The following CA10 variants were observed in gnomAD, a reference collection of about 807,000 sequenced individuals.
The protein encoded by CA10 is carbonic anhydrase-related protein 10.
A neutral mutation model predicts 44.2 loss-of-function variants in CA10; 14 were observed. That is an observed-to-expected ratio of 0.32 (90% confidence interval 0.21 to 0.50). CA10 has a LOEUF of 0.50. CA10 is among the 20% of genes least tolerant of loss of function. The pLI, the probability that CA10 is intolerant of heterozygous loss-of-function variation, is 0.99. For missense variants in CA10, 350 were observed against 409.7 expected, an observed-to-expected ratio of 0.85 and a Z score of 1.26; for synonymous variants, 159 against 141.6, an observed-to-expected ratio of 1.12 and a Z score of -0.87.
intron 2 of CA10, among the ~76,000 whole-genome samples, chr17:52,003,441 T>C (rs1198419944): frequency 6.6e-6 from 1 of 151,960 alleles, no homozygotes; most frequent in African/African-American, 2.4e-5. Flanking sequence ...ATATATTCTT[T>C]GAAGGCAGGG....
At chr17:51,649,474 G>A (rs1158732799) in intron 5 of CA10, among the ~76,000 whole-genome samples, 4 of 152,196 alleles carry the variant, frequency 2.6e-5, no homozygotes, top group Admixed American at 2.6e-4. Flanking sequence ...CTCATATAGT[G>A]TGAAGAGTGC....
intron 3 of CA10, among the ~76,000 whole-genome samples, chr17:51,808,481 A>G (rs182957869): frequency 6.6e-6 from 1 of 152,310 alleles, no homozygotes; most frequent in Admixed American, 6.5e-5. Flanking sequence ...TCAAATGTAC[A>G]TCTGCATCTC....
intron 4 of CA10, among the ~76,000 whole-genome samples, chr17:51,738,775 T>G (rs889661289): frequency 1.3e-5 from 2 of 152,234 alleles, no homozygotes; most frequent in Non-Finnish European, 2.9e-5. Context: ...AGGCTCTATT[T>G]GCTCTATGAG....
intron 3 of CA10, among the ~76,000 whole-genome samples, chr17:51,859,393 T>A (rs2143837910): frequency 6.6e-6 from 1 of 152,304 alleles, no homozygotes. Flanking sequence ...AACTAGTATG[T>A]TAATGTCTCC....
chr17:51,724,845 G>T (rs761554650), intron 4 of CA10, among the ~76,000 whole-genome samples: 29 of 152,090 alleles, frequency 1.9e-4, no homozygotes, highest in Non-Finnish European at 2.8e-4. Context: ...TCCCCAGGGC[G>T]CAGCACATTG....
At chr17:51,834,419 T>C (rs528211300) in intron 3 of CA10, among the ~76,000 whole-genome samples, 1 of 152,238 alleles carries the variant, frequency 6.6e-6, no homozygotes, top group Non-Finnish European at 1.5e-5. Flanking sequence ...TCTCTGTTCA[T>C]GCCCCTGAAA....
chr17:51,775,530 C>T (rs1169334294), intron 3 of CA10, among the ~76,000 whole-genome samples: 1 of 152,104 alleles, frequency 6.6e-6, no homozygotes, highest in Non-Finnish European at 1.5e-5. Context: ...AATAGCAAAG[C>T]TGTTCTTTTA....
intron 2 of CA10, among the ~76,000 whole-genome samples, chr17:52,015,947 C>G (rs547209862): frequency 1.3e-5 from 2 of 152,138 alleles, no homozygotes; most frequent in East Asian, 3.9e-4. Flanking sequence ...GGGAGCTCCT[C>G]AGAGATGGTA....
chr17:51,767,965 C>T (rs574897351), intron 3 of CA10, among the ~76,000 whole-genome samples: 1 of 152,190 alleles, frequency 6.6e-6, no homozygotes, highest in East Asian at 1.9e-4. Context: ...GAGCGCTGAA[C>T]TAAACTACAG....
At chr17:51,855,931 A>G (rs1979019176) in intron 3 of CA10, among the ~76,000 whole-genome samples, 1 of 152,164 alleles carries the variant, frequency 6.6e-6, no homozygotes, top group African/African-American at 2.4e-5. Context: ...CTAATTGCCA[A>G]CAGGATCTGA....
intron 2 of CA10, among the ~76,000 whole-genome samples, chr17:51,987,871 G>A (rs1984899605): frequency 6.6e-6 from 1 of 151,934 alleles, no homozygotes; most frequent in Non-Finnish European, 1.5e-5. Context: ...GTGAAAATAA[G>A]TTCATCAGAA....
intron 4 of CA10, among the ~76,000 whole-genome samples, chr17:51,739,472 G>A (rs989680395): frequency 6.6e-6 from 1 of 152,110 alleles, no homozygotes; most frequent in Non-Finnish European, 1.5e-5. Flanking sequence ...GCATCAGCAG[G>A]GAGATCAGAG....
At chr17:52,061,502 T>A (rs1214042831) in intron 2 of CA10, among the ~76,000 whole-genome samples, 1 of 152,212 alleles carries the variant, frequency 6.6e-6, no homozygotes, top group Admixed American at 6.5e-5. Context: ...AAGACTGATA[T>A]GGTTAGCCTT....
rs550154355 is a variant in CA10, at chr17:51,739,029, C to G, written c.465+8604G>C. On this transcript the variant is annotated intron_variant, in intron 4 of 8. Coordinates refer to ENST00000451037, the MANE Select transcript of CA10 (RefSeq NM_020178.5). ...GGCCTCAAAAGTTCCTCCTCTGACA[C>G]TGTCACTTTAGATGGACACTTGGAG... 5.3e-5 allele frequency among the ~76,000 whole-genome samples: 8 copies of G among 152,246 alleles called. No homozygotes were observed. The South Asian group carries it at 6.2e-4, about 12-fold the overall frequency.
intron 4 of CA10, among the ~76,000 whole-genome samples, chr17:51,656,184 A>G (rs1372573539): frequency 6.6e-6 from 1 of 152,248 alleles, no homozygotes; most frequent in Non-Finnish European, 1.5e-5. Flanking sequence ...CAGTGCTTCC[A>G]GACATGCCTT....
chr17:52,113,044 C>A (rs564244834), intron 1 of CA10, among the ~76,000 whole-genome samples: 2 of 152,320 alleles, frequency 1.3e-5, no homozygotes, highest in South Asian at 4.1e-4. Flanking sequence ...GCCAGCCTAA[C>A]AACCCTGGCA....
At chr17:51,788,042 G>T (rs1268237924) in intron 3 of CA10, among the ~76,000 whole-genome samples, 1 of 152,018 alleles carries the variant, frequency 6.6e-6, no homozygotes, top group East Asian at 1.9e-4. Flanking sequence ...TAAGATACAT[G>T]GTTAGGTTGC....
chr17:52,100,197 G>T (rs1219755492), intron 1 of CA10, among the ~76,000 whole-genome samples: 1 of 152,276 alleles, frequency 6.6e-6, no homozygotes, highest in Non-Finnish European at 1.5e-5. Context: ...AATAAAGGAA[G>T]ATATAATTGC....
At chr17:51,851,857 T>C (rs1978809673) in intron 3 of CA10, among the ~76,000 whole-genome samples, 1 of 152,248 alleles carries the variant, frequency 6.6e-6, no homozygotes, top group Non-Finnish European at 1.5e-5. Flanking sequence ...TAACTTGTTT[T>C]AGTTAAAAGG....
Sources: gnomAD v4.1 joint callset for allele counts (sites outside exome capture counted in the v4.1 genomes callset) on GRCh38, gnomAD v4.1.1 for gene constraint, MANE v1.5 for transcripts, NCBI Gene and HGNC (gene_info 2026-07-23, HGNC 2026-07-21) for gene names.